Variants in CSMD1 observed in about 807,000 individuals in gnomAD.
CSMD1 encodes the protein CUB and sushi domain-containing protein 1.
A neutral mutation model predicts 417.5 loss-of-function variants in CSMD1; 213 were observed. That is an observed-to-expected ratio of 0.51 (90% CI 0.46 to 0.57). The LOEUF (loss-of-function observed/expected upper bound fraction) is 0.57. Ranked by LOEUF, CSMD1 falls within the 20% of genes least tolerant of loss-of-function variation. The pLI is 0.00. For synonymous variants in CSMD1, 2,862 were observed against 1,736.8 expected (o/e 1.65, Z -16.11); for missense variants, 6,923 against 4,529.7 (o/e 1.53, Z -15.17).
rs1377479132 is a variant in CSMD1, at chr8:3,083,097, TTTTA to T, written c.7474+3996_7474+3999del. 6.6e-5 allele frequency among the ~76,000 whole-genome samples: 10 copies of T among 152,158 alleles called. No homozygotes were observed. The East Asian group carries it at 9.6e-4, about 15-fold the overall frequency. ...TGTTTCATATTTCATTTTTCTTTTCTTTTATTTATTTTTATTTCATAATTATGAA... is the reference window on the plus strand; with the variant it reads ...TGTTTCATATTTCATTTTTCTTTTCTTTTATTTTTATTTCATAATTATGAA... On this transcript the variant is annotated intron_variant, in intron 49 of 69. Transcript: ENST00000635120.
chr8:4,127,182 C>T (rs1172068521), intron 3 of CSMD1, among the ~76,000 whole-genome samples: 2 of 152,094 alleles, frequency 1.3e-5, no homozygotes, highest in Non-Finnish European at 2.9e-5. Context: ...AAAGTTCCTG[C>T]TATCCCTGGA....
chr8:3,521,990 T>A (rs1016066906), intron 10 of CSMD1, among the ~76,000 whole-genome samples: 1 of 152,222 alleles, frequency 6.6e-6, no homozygotes, highest in Non-Finnish European at 1.5e-5. Context: ...TTCCACACAG[T>A]GTAAACAAGT....
At chr8:4,296,891 C>T (rs990522559) in intron 3 of CSMD1, among the ~76,000 whole-genome samples, 9 of 152,018 alleles carry the variant, frequency 5.9e-5, no homozygotes, top group Non-Finnish European at 8.8e-5. Flanking sequence ...TAAAAATGCT[C>T]ATCTCATGGA....
chr8:3,990,974 G>C (rs924325127), intron 5 of CSMD1, among the ~76,000 whole-genome samples: 24 of 152,286 alleles, frequency 1.6e-4, no homozygotes, highest in African/African-American at 5.5e-4. Flanking sequence ...GGACAGGAGA[G>C]AAAATGTGTC....
At chr8:4,013,758 C>G (rs1487979209) in intron 4 of CSMD1, among the ~76,000 whole-genome samples, 1 of 152,202 alleles carries the variant, frequency 6.6e-6, no homozygotes, top group Non-Finnish European at 1.5e-5. Flanking sequence ...TACATTCAGT[C>G]CAGTATCTGG....
intron 12 of CSMD1, among the ~76,000 whole-genome samples, chr8:3,467,264 A>G (rs1375545974): frequency 6.6e-6 from 1 of 152,216 alleles, no homozygotes; most frequent in Non-Finnish European, 1.5e-5. Flanking sequence ...CATAAACCTC[A>G]TGATGTGTAT....
rs370801522 is a variant in CSMD1, at chr8:3,284,352, A to G, written c.3951-6T>C. On this transcript the variant is annotated splice_polypyrimidine_tract_variant and splice_region_variant and intron_variant, in intron 25 of 69. Coordinates refer to ENST00000635120, the MANE Select transcript of CSMD1 (RefSeq NM_033225.6). The stretch of plus-strand genomic sequence containing the variant: ...CGAAAACAATGAAATGGAGGCTGCA[A>G]GAGAGAACACAGTAGCGCTACTTGC... 85 of 1,610,104 alleles carry G rather than the reference A, an allele frequency of 5.3e-5. No homozygotes were observed. The highest frequency in any genetic ancestry group is 1.2e-4 in the Admixed American group (7 of 59,968).
intron 37 of CSMD1, among the ~76,000 whole-genome samples, chr8:3,169,764 T>G (rs775263729): frequency 6.6e-5 from 10 of 152,168 alleles, no homozygotes; most frequent in Non-Finnish European, 1.5e-4. Context: ...GCACGGTTTC[T>G]TTTCAAATAG....
At chr8:4,163,265 G>C (rs1180428531) in intron 3 of CSMD1, among the ~76,000 whole-genome samples, 1 of 152,058 alleles carries the variant, frequency 6.6e-6, no homozygotes, top group Non-Finnish European at 1.5e-5. Flanking sequence ...TGTGCTTCCT[G>C]GACTGCATGT....
At chr8:3,604,274 T>A (rs1801499052) in intron 8 of CSMD1, among the ~76,000 whole-genome samples, 1 of 151,820 alleles carries the variant, frequency 6.6e-6, no homozygotes, top group African/African-American at 2.4e-5. Context: ...TGCTAGAAAG[T>A]CAAAGGCCAG....
intron 6 of CSMD1, among the ~76,000 whole-genome samples, chr8:3,724,264 T>C (rs1419558815): frequency 2.6e-5 from 4 of 152,058 alleles, no homozygotes; most frequent in Non-Finnish European, 5.9e-5. Context: ...TAGTTACATA[T>C]GTATACATGT....
At chr8:3,211,169 C>T (rs1432289904) in intron 30 of CSMD1, among the ~76,000 whole-genome samples, 2 of 152,096 alleles carry the variant, frequency 1.3e-5, no homozygotes, top group African/African-American at 4.8e-5. Context: ...TACAGCCTCC[C>T]GAGTAGCTGG....
At chr8:4,189,146 C>T (rs545957102) in intron 3 of CSMD1, among the ~76,000 whole-genome samples, 15 of 152,334 alleles carry the variant, frequency 9.8e-5, no homozygotes, top group Admixed American at 3.3e-4. Context: ...GTTTGTGAGT[C>T]ATCTCTGAGT....
At chr8:4,479,289 T>C (rs898750233) in intron 2 of CSMD1, among the ~76,000 whole-genome samples, 1 of 152,206 alleles carries the variant, frequency 6.6e-6, no homozygotes, top group Non-Finnish European at 1.5e-5. Context: ...TGTTTGCTTG[T>C]GAATGTGTTT....
At chr8:2,960,951 T>TATATATATATATATATATAC (rs1554472466) in intron 62 of CSMD1, among the ~76,000 whole-genome samples, 190 bp downstream of exon 62, 19 of 99,504 alleles carry the variant, frequency 1.9e-4, no homozygotes, top group African/African-American at 1.1e-3. Context: ...TATATATATA[T>TATATATATATATATATATAC]ATATATATAT....
rs1806299378 is a variant in CSMD1 at position 4,685,289 on chromosome 8, C to T, written c.86-47731G>A. 3.3e-5 allele frequency among the ~76,000 whole-genome samples: 5 copies of T among 152,160 alleles called. No homozygotes were observed. The South Asian group carries it at 8.3e-4, about 25-fold the overall frequency. ...ACATGCATCATATCAAAAACTTAAT[C>T]ATGGCCAGGCGTGTTGGCTCATGCC... On this transcript the variant is annotated intron_variant, in intron 1 of 69. Coordinates refer to ENST00000635120, the MANE Select transcript of CSMD1 (RefSeq NM_033225.6).
chr8:4,782,100 A>C (rs1797179505), intron 1 of CSMD1, among the ~76,000 whole-genome samples: 1 of 152,208 alleles, frequency 6.6e-6, no homozygotes, highest in Non-Finnish European at 1.5e-5. Flanking sequence ...TATGCCTTTT[A>C]AAAAGACATT....
At chr8:3,092,831 G>C (rs1164817900) in intron 47 of CSMD1, among the ~76,000 whole-genome samples, 1 of 152,114 alleles carries the variant, frequency 6.6e-6, no homozygotes, top group Admixed American at 6.5e-5. Flanking sequence ...ACTCGTAAAA[G>C]CGTTCATGGC....
chr8:4,378,685 C>G (rs1802908394), intron 3 of CSMD1, among the ~76,000 whole-genome samples: 2 of 152,164 alleles, frequency 1.3e-5, no homozygotes, highest in South Asian at 4.1e-4. Context: ...TGTCCCTGCT[C>G]AAATGTTGAA....
Sources: gnomAD v4.1 joint callset for allele counts (sites outside exome capture counted in the v4.1 genomes callset) on GRCh38, gnomAD v4.1.1 for gene constraint, MANE v1.5 for transcripts, NCBI Gene and HGNC (gene_info 2026-07-23, HGNC 2026-07-21) for gene names.